Variants in ARSL observed in about 807,000 individuals in gnomAD.
The protein encoded by ARSL is arylsulfatase E (chondrodysplasia punctata 1).
Under a neutral mutation model 31.1 loss-of-function variants are expected in ARSL, and 4 were observed. The observed-to-expected ratio is 0.13, with a 90% CI of 0.06 to 0.29. The LOEUF is 0.29. ARSL is among the 10% of genes least tolerant of loss of function. ARSL has a pLI of 1.00. For missense variants in ARSL, 312 were observed against 497.8 expected, an observed-to-expected ratio of 0.63 and a Z score of 3.55; for synonymous variants, 198 against 209.9, an observed-to-expected ratio of 0.94 and a Z score of 0.49.
chrX:2,951,901 TAAAC>T (rs1156584000), intron 5 of ARSL, among the ~76,000 whole-genome samples: 2 of 107,222 alleles, frequency 1.9e-5, no homozygotes, highest in African/African-American at 3.5e-5. Context: ...GGTAAAAAAT[TAAAC>T]AAAGAACATT....
intron 5 of ARSL, among the ~76,000 whole-genome samples, 188 bp from the exon 6 acceptor site, chrX:2,949,915 C>T (rs1444218559): frequency 8.9e-6 from 1 of 112,154 alleles, no homozygotes; most frequent in Non-Finnish European, 1.9e-5. Flanking sequence ...GGAATGAGGA[C>T]CCCATGTGTC....
intron 7 of ARSL, among the ~76,000 whole-genome samples, chrX:2,943,602 C>T (rs910956221): frequency 3.7e-5 from 4 of 108,185 alleles, no homozygotes; most frequent in South Asian, 4.1e-4. Context: ...ATTAGCCGGG[C>T]GTGGTGGCAC....
intron 2 of ARSL, chrX:2,959,669 C>A: frequency 3.5e-6 from 4 of 1,153,013 alleles, no homozygotes; most frequent in Non-Finnish European, 4.6e-6. Flanking sequence ...ATCAAGGGAG[C>A]CTGGAGCACA....
At position 2,960,434 on chromosome X, in the gene ARSL, A is replaced by C. The variant is rs1370988355; in HGVS notation, c.-20-14T>G. 2 of 1,203,363 alleles carry C rather than the reference A, an allele frequency of 1.7e-6. No homozygotes were observed. Among genetic ancestry groups the C allele is most frequent in the Non-Finnish European group, 2.2e-6 (2 of 890,742 alleles). On this transcript the variant is annotated splice_polypyrimidine_tract_variant and intron_variant, in intron 1 of 10. Transcript: ENST00000381134. Reference sequence around the variant, plus strand: ...TCTCTCTACTTCCTGTAAGACATAAAGATGTCCACAATCACATTGACAGCA... The same window carrying C: ...TCTCTCTACTTCCTGTAAGACATAACGATGTCCACAATCACATTGACAGCA...
chrX:2,960,533 T>C (rs2089611782), intron 1 of ARSL, 113 bp from the exon 2 acceptor site: 3 of 682,139 alleles, frequency 4.4e-6, no homozygotes, highest in South Asian at 5.4e-5. Context: ...ATGATATCAA[T>C]AGCAAAAATA....
rs1037115727 is a variant in ARSL, at chrX:2,949,931, T to A, written c.431-204A>T. On this transcript the variant is annotated intron_variant, in intron 5 of 10. Transcript: ENST00000381134. ...GAATGAGGACCCCATGTGTCAGCTTTAACCAAAATATTAGTTACCCGTGAC... is the reference window on the plus strand; with the variant it reads ...GAATGAGGACCCCATGTGTCAGCTTAAACCAAAATATTAGTTACCCGTGAC... Among the ~76,000 whole-genome samples the A allele has an allele frequency of 3.6e-5, 4 of 112,302 alleles. No individual in the cohort carries two copies. The Admixed American group carries it at 3.8e-4, about 11-fold the overall frequency.
intron 6 of ARSL, 75 bp from the exon 7 acceptor site, chrX:2,946,209 C>A: frequency 4.0e-6 from 4 of 1,003,256 alleles, no homozygotes; most frequent in Non-Finnish European, 4.2e-6. Flanking sequence ...ATACTAAATA[C>A]GGATCTCACT....
upstream of ARSL, among the ~76,000 whole-genome samples, chrX:2,965,192 TAAAC>T (rs1002896002): frequency 8.1e-5 from 9 of 110,940 alleles, no homozygotes; most frequent in South Asian, 2.3e-3. Flanking sequence ...TTAAAGTAAA[TAAAC>T]AAACAAACAA....
Position 2,947,484 on chromosome X carries a change from A to G in ARSL, c.855-1350T>C, listed in dbSNP as rs1480578930. Among the ~76,000 whole-genome samples, 3 of 112,457 alleles carry G rather than the reference A, an allele frequency of 2.7e-5. No homozygotes were observed. The East Asian group carries it at 8.3e-4, about 31-fold the overall frequency. On this transcript the variant is annotated intron_variant, in intron 6 of 10. Coordinates refer to ENST00000381134, the MANE Select transcript of ARSL (RefSeq NM_000047.3). ...AAATGAGGCATATTGGGTTATTCATATTATTTCCATTGTCCTCCTTGAAAG... is the reference window on the plus strand; with the variant it reads ...AAATGAGGCATATTGGGTTATTCATGTTATTTCCATTGTCCTCCTTGAAAG...
chrX:2,944,443 G>A (rs1260679398), intron 7 of ARSL, among the ~76,000 whole-genome samples: 1 of 91,160 alleles, frequency 1.1e-5, no homozygotes, highest in Non-Finnish European at 2.1e-5. Context: ...AACAGAGTGA[G>A]ACTCGGTCTC....
chrX:2,963,612 T>A (rs2089670062), intron 1 of ARSL, among the ~76,000 whole-genome samples: 1 of 102,047 alleles, frequency 9.8e-6, no homozygotes, highest in Non-Finnish European at 2.0e-5. Flanking sequence ...GCGACCATAG[T>A]TCACTGCAGC....
chrX:2,942,910 A>T (rs1234097257), intron 8 of ARSL, among the ~76,000 whole-genome samples, 155 bp downstream of exon 8: 3 of 111,505 alleles, frequency 2.7e-5, no homozygotes, highest in African/African-American at 9.8e-5. Context: ...AAAAATTCAA[A>T]CTGGAGTATG....
chrX:2,960,698 A>G (rs2089615109), intron 1 of ARSL, among the ~76,000 whole-genome samples: 1 of 111,614 alleles, frequency 9.0e-6, no homozygotes, highest in South Asian at 3.8e-4. Flanking sequence ...TAGGGTCTCC[A>G]TCCCCTTTAT....
chrX:2,935,625 A>T (rs1342015966), intron 10 of ARSL, among the ~76,000 whole-genome samples: 1 of 111,027 alleles, frequency 9.0e-6, no homozygotes, highest in Non-Finnish European at 1.9e-5. Flanking sequence ...GTTGCACAAC[A>T]CTGTGAAAGC....
At chrX:2,954,299 T>C (rs757727083) in intron 4 of ARSL, among the ~76,000 whole-genome samples, 7 of 111,017 alleles carry the variant, frequency 6.3e-5, no homozygotes, top group Non-Finnish European at 1.1e-4. Flanking sequence ...GTTTTTTTGT[T>C]TGTTTGTTTG....
intron 2 of ARSL, chrX:2,959,845 C>A: frequency 3.4e-6 from 2 of 583,962 alleles, no homozygotes; most frequent in East Asian, 4.0e-5. Context: ...TGCCTGAGCC[C>A]AGGTGTTTAA....
chrX:2,958,654 G>T (rs771957001), intron 2 of ARSL, among the ~76,000 whole-genome samples: 3 of 111,582 alleles, frequency 2.7e-5, no homozygotes, highest in African/African-American at 9.8e-5. Flanking sequence ...TTTTTTTGAT[G>T]CTGTAAAGTC....
In ARSL at chrX:2,943,212, G is replaced by T. The variant is rs762523242; in HGVS notation, c.992-13C>A. 5.0e-6 allele frequency: 6 copies of T among 1,210,099 alleles called. No individual in the cohort carries two copies. The highest frequency in any genetic ancestry group is 6.7e-6 in the Non-Finnish European group (6 of 895,073). On this transcript the variant is annotated splice_polypyrimidine_tract_variant and intron_variant, in intron 7 of 10. Coordinates refer to ENST00000381134, the MANE Select transcript of ARSL (RefSeq NM_000047.3). ...TCAAGGATCCGTCCTGCAAAGAACA[G>T]ATGTTTTTGGGGCCGTCGAAATGGA...
intron 5 of ARSL, among the ~76,000 whole-genome samples, chrX:2,950,539 C>T (rs2089447297): frequency 9.0e-6 from 1 of 111,067 alleles, no homozygotes; most frequent in Non-Finnish European, 1.9e-5. Flanking sequence ...GGTGGTTTCC[C>T]CTACACTGTT....
Sources: allele counts gnomAD v4.1 joint callset (sites outside exome capture counted in the v4.1 genomes callset), GRCh38; gene constraint gnomAD v4.1.1; transcripts MANE v1.5; gene names NCBI Gene and HGNC (gene_info 2026-07-23, HGNC 2026-07-21).